LHFPL2: variants seen among roughly 807,000 people sequenced by gnomAD.
The protein encoded by LHFPL2 is LHFPL tetraspan subfamily member 2 protein.
Under a neutral mutation model 17.5 loss-of-function variants are expected in LHFPL2, and 7 were observed. That is an observed-to-expected ratio of 0.40 (90% CI 0.23 to 0.75). LHFPL2 has a LOEUF of 0.75. Among genes scored for constraint, LHFPL2 ranks in the 30% least tolerant of loss-of-function variants. LHFPL2 has a pLI of 0.37. For synonymous variants in LHFPL2, 134 were observed against 116.2 expected, an observed-to-expected ratio of 1.15 and a Z score of -0.99; for missense variants, 241 against 294.8, an observed-to-expected ratio of 0.82 and a Z score of 1.34.
At position 78,648,583 on chromosome 5, in the gene LHFPL2, CG is replaced by C. The variant is rs1745973986; in HGVS notation, c.-435del. 6.6e-6 allele frequency: 1 copy of C among 151,566 alleles called. No homozygotes were observed. Among genetic ancestry groups the C allele is most frequent in the African/African-American group, 2.4e-5 (1 of 40,902 alleles). The allele number at this position is 151,566 out of a possible 1,614,324, so 9.4% of individuals were successfully genotyped here. ...CAGTGACGCCTCCTCGCAGCCACCT[CG>C]CTCTTGCCCCCGCTGGCCGCGCCTG... is the stretch of plus-strand genomic sequence containing the variant. On this transcript the variant is annotated 5_prime_UTR_variant, in exon 1 of 5. Transcript: ENST00000380345. The surrounding 1 kb of genome is among the most constrained non-coding windows in gnomAD (Gnocchi z 5.4).
intron 2 of LHFPL2, among the ~76,000 whole-genome samples, chr5:78,617,007 G>A (rs981286395): frequency 1.3e-5 from 2 of 152,070 alleles, no homozygotes; most frequent in Admixed American, 1.3e-4. Flanking sequence ...CAGTAATTAT[G>A]ACACTTCTAG....
rs1400563083 is a variant in LHFPL2 at position 78,485,661 on chromosome 5, A to T, written c.*3236T>A. ...TAAGGAGGTGTGAGATTAGCCCTTA[A>T]ATACTGGTCTAGCATTAGCATGGTC... is the stretch of plus-strand genomic sequence containing the variant. On this transcript the variant is annotated 3_prime_UTR_variant, in exon 5 of 5. Coordinates refer to ENST00000380345, the MANE Select transcript of LHFPL2 (RefSeq NM_005779.3). 6.6e-6 allele frequency: 1 copy of T among 152,612 alleles called. No individual in the cohort carries two copies. The highest frequency in any genetic ancestry group is 2.4e-5 in the African/African-American group (1 of 41,444). The allele number at this position is 152,612 out of a possible 1,614,324, so 9.5% of individuals were successfully genotyped here.
chr5:78,579,486 T>C (rs1743000433), intron 2 of LHFPL2, among the ~76,000 whole-genome samples: 1 of 151,956 alleles, frequency 6.6e-6, no homozygotes. Flanking sequence ...GTGCTAACCC[T>C]CCCCCCTTCC....
intron 2 of LHFPL2, among the ~76,000 whole-genome samples, chr5:78,609,713 T>C (rs1312907032): frequency 1.3e-5 from 2 of 152,108 alleles, no homozygotes; most frequent in Admixed American, 1.3e-4. Context: ...GTATTTGACA[T>C]GGTTTGCAAT....
At chr5:78,568,996 C>T (rs1037686799) in intron 2 of LHFPL2, among the ~76,000 whole-genome samples, 7 of 152,246 alleles carry the variant, frequency 4.6e-5, no homozygotes, top group Admixed American at 6.5e-5. Flanking sequence ...TGACAGAATA[C>T]GGCCTTCAAT....
intron 1 of LHFPL2, among the ~76,000 whole-genome samples, chr5:78,634,739 A>G (rs1315821665): frequency 6.6e-6 from 1 of 152,272 alleles, no homozygotes; most frequent in African/African-American, 2.4e-5. Context: ...TGATTTGCCC[A>G]AGGCCGCAGA....
At chr5:78,502,031 G>T (rs1423466242) in intron 4 of LHFPL2, among the ~76,000 whole-genome samples, 2 of 151,988 alleles carry the variant, frequency 1.3e-5, no homozygotes, top group Non-Finnish European at 2.9e-5. Context: ...TAATGCTTTT[G>T]CTGTTTCCCC....
rs1327124307 is a variant in LHFPL2 at position 78,488,825 on chromosome 5, G to C, written c.*72C>G. 1.3e-6 allele frequency: 2 copies of C among 1,551,096 alleles called. No homozygotes were observed. The highest frequency in any genetic ancestry group is 1.8e-6 in the Non-Finnish European group (2 of 1,140,400). On this transcript the variant is annotated 3_prime_UTR_variant, in exon 5 of 5. Coordinates refer to ENST00000380345, the MANE Select transcript of LHFPL2 (RefSeq NM_005779.3). ...GTAGGTAAAGGTTAGTTCTCCACTTGACTCAAATGATGAAACTGTGGACTG... is the reference window on the plus strand; with the variant it reads ...GTAGGTAAAGGTTAGTTCTCCACTTCACTCAAATGATGAAACTGTGGACTG...
chr5:78,583,901 C>G (rs1197374963), intron 2 of LHFPL2, among the ~76,000 whole-genome samples: 2 of 151,316 alleles, frequency 1.3e-5, no homozygotes, highest in African/African-American at 2.4e-5. Flanking sequence ...TCCATTCTCC[C>G]CATCACTTTC....
intron 2 of LHFPL2, among the ~76,000 whole-genome samples, chr5:78,613,896 G>A (rs1211509819): frequency 6.6e-6 from 1 of 152,168 alleles, no homozygotes; most frequent in Non-Finnish European, 1.5e-5. Flanking sequence ...ACAAAGGACT[G>A]ATTATATGAA....
intron 2 of LHFPL2, among the ~76,000 whole-genome samples, chr5:78,627,236 CGAG>C (rs986012165): frequency 9.2e-5 from 14 of 152,152 alleles, no homozygotes; most frequent in African/African-American, 3.4e-4. Context: ...AGACTCCTGA[CGAG>C]GCAGTGGATG....
At chr5:78,589,982 C>T (rs1437178376) in intron 2 of LHFPL2, 1 of 152,204 alleles carries the variant, frequency 6.6e-6, no homozygotes, top group African/African-American at 2.4e-5. Flanking sequence ...TGACCTGTGT[C>T]ACATGTAAGA....
intron 4 of LHFPL2, chr5:78,491,223 A>AGTAG (rs10681588): frequency 0.75 from 113,432 of 151,630 alleles, 42,879 homozygotes; most frequent in African/African-American, 0.79. Flanking sequence ...GCAGGGGTGG[A>AGTAG]GTAGAGGGAA....
At chr5:78,587,782 A>G (rs1333334875) in intron 2 of LHFPL2, among the ~76,000 whole-genome samples, 1 of 152,222 alleles carries the variant, frequency 6.6e-6, no homozygotes, top group African/African-American at 2.4e-5. Context: ...GCCGATTAGC[A>G]TTGGTCTGAA....
chr5:78,562,648 A>G (rs1460569065), intron 3 of LHFPL2, among the ~76,000 whole-genome samples: 1 of 151,880 alleles, frequency 6.6e-6, no homozygotes, highest in Non-Finnish European at 1.5e-5. Context: ...AAAAAAAAAA[A>G]AAGAAAGAAA....
chr5:78,611,423 T>C (rs892152103), intron 2 of LHFPL2, among the ~76,000 whole-genome samples: 1 of 152,228 alleles, frequency 6.6e-6, no homozygotes, highest in Non-Finnish European at 1.5e-5. Context: ...ATGAGGTTTC[T>C]GGGCTCCCTG....
intron 2 of LHFPL2, among the ~76,000 whole-genome samples, chr5:78,614,398 C>T (rs1400377277): frequency 6.6e-6 from 1 of 152,196 alleles, no homozygotes; most frequent in Non-Finnish European, 1.5e-5. Flanking sequence ...TTTACCTGTA[C>T]AATGAGCCTC....
intron 2 of LHFPL2, among the ~76,000 whole-genome samples, chr5:78,572,833 A>G (rs1757037212): frequency 1.3e-5 from 2 of 152,140 alleles, no homozygotes; most frequent in African/African-American, 4.8e-5. Flanking sequence ...TCTGTGGGCA[A>G]TGGGTAAGGG....
intron 2 of LHFPL2, among the ~76,000 whole-genome samples, chr5:78,603,749 AAAAC>A (rs1353983759): frequency 1.3e-5 from 2 of 152,232 alleles, no homozygotes; most frequent in African/African-American, 4.8e-5. Context: ...AATTTTTAAA[AAAAC>A]ACACAGATGT....
Sources: gnomAD v4.1 joint callset for allele counts (sites outside exome capture counted in the v4.1 genomes callset) on GRCh38, gnomAD v4.1.1 for gene constraint, Gnocchi (gnomAD v3.1) non-coding constraint, MANE v1.5 for transcripts, NCBI Gene and HGNC (gene_info 2026-07-23, HGNC 2026-07-21) for gene names.